Variants in PRP4K observed in about 807,000 individuals in gnomAD.
PRP4K encodes pre-mRNA processing factor kinase PRP4K.
At chr6:4,042,069 G>T in the PRP4K span, among the ~76,000 whole-genome samples, 1 of 152,178 alleles carries the variant, frequency 6.6e-6, no homozygotes, top group Non-Finnish European at 1.5e-5. Context: ...TTTTGATAGG[G>T]AAGTACGGGT....
chr6:4,036,594 A>G, the PRP4K span, among the ~76,000 whole-genome samples: 1 of 152,148 alleles, frequency 6.6e-6, no homozygotes, highest in Non-Finnish European at 1.5e-5. Flanking sequence ...CAGCCACTGC[A>G]GCCTCAACCT....
the PRP4K span, chr6:4,050,360 A>T: frequency 1.2e-6 from 1 of 804,960 alleles, no homozygotes; most frequent in Non-Finnish European, 1.9e-6. Flanking sequence ...TTTTAAAATT[A>T]TAGCCATATG....
the PRP4K span, chr6:4,056,496 T>A: frequency 6.2e-7 from 1 of 1,611,960 alleles, no homozygotes; most frequent in Non-Finnish European, 8.5e-7. Flanking sequence ...GCATACTTAA[T>A]GTCTAAGCAC....
At chr6:4,032,162 C>G in the PRP4K span, 1 of 1,613,576 alleles carries the variant, frequency 6.2e-7, no homozygotes, top group Non-Finnish European at 8.5e-7. Context: ...CAACTAGGAG[C>G]AAGTCAAAGG....
At chr6:4,043,664 C>T in the PRP4K span, 36 of 746,916 alleles carry the variant, frequency 4.8e-5, no homozygotes, top group Non-Finnish European at 7.1e-5. Context: ...TAAGGGATTG[C>T]AGATTTGATT....
chr6:4,025,582 G>T, the PRP4K span, among the ~76,000 whole-genome samples: 3 of 152,140 alleles, frequency 2.0e-5, no homozygotes, highest in African/African-American at 7.2e-5. Flanking sequence ...TATTTCTTGA[G>T]ATAATACTCA....
the PRP4K span, among the ~76,000 whole-genome samples, chr6:4,046,955 G>A: frequency 6.6e-6 from 1 of 152,186 alleles, no homozygotes; most frequent in African/African-American, 2.4e-5. Flanking sequence ...ACCATGCCCG[G>A]CCGGTCTTTC....
chr6:4,029,781 G>A, the PRP4K span, among the ~76,000 whole-genome samples: 1 of 152,086 alleles, frequency 6.6e-6, no homozygotes, highest in Non-Finnish European at 1.5e-5. Context: ...CTCGAAATTA[G>A]TTTAGGTGAT....
the PRP4K span, among the ~76,000 whole-genome samples, chr6:4,047,477 C>A: frequency 6.6e-6 from 1 of 152,132 alleles, no homozygotes; most frequent in Non-Finnish European, 1.5e-5. Context: ...AAAAGTCAAA[C>A]ACCAAATGAT....
chr6:4,045,150 C>T, the PRP4K span, among the ~76,000 whole-genome samples: 1 of 152,160 alleles, frequency 6.6e-6, no homozygotes, highest in South Asian at 2.1e-4. Context: ...TGAGCCACCA[C>T]GCCCAGCTGA....
chr6:4,035,284 A>ATTTTTTTTTT, the PRP4K span, among the ~76,000 whole-genome samples: 181 of 58,798 alleles, frequency 3.1e-3, 6 homozygotes, highest in African/African-American at 7.1e-3. Context: ...CGCCCGGCTA[A>ATTTTTTTTTT]TTTTTTTTTT....
chr6:4,040,802 G>A, the PRP4K span: 1 of 1,614,052 alleles, frequency 6.2e-7, no homozygotes. Context: ...GATCACGCTT[G>A]CGAAGGCGGT....
chr6:4,052,616 G>T, the PRP4K span: 2 of 895,878 alleles, frequency 2.2e-6, no homozygotes, highest in Non-Finnish European at 3.2e-6. Context: ...TTTTTATTTT[G>T]CGCTTGATTT....
chr6:4,023,820 T>A, the PRP4K span, among the ~76,000 whole-genome samples: 2 of 151,758 alleles, frequency 1.3e-5, no homozygotes. Flanking sequence ...ATCCTCCTAC[T>A]CCAGCCTCCG....
the PRP4K span, among the ~76,000 whole-genome samples, chr6:4,058,150 A>G: frequency 6.6e-6 from 1 of 152,202 alleles, no homozygotes; most frequent in Non-Finnish European, 1.5e-5. Context: ...AGCTGGGACT[A>G]CAGGCATGTG....
At chr6:4,040,184 GT>G in the PRP4K span, among the ~76,000 whole-genome samples, 76 of 144,566 alleles carry the variant, frequency 5.3e-4, no homozygotes, top group African/African-American at 6.3e-4. Context: ...CCAGCCCCCA[GT>G]TTTTTTTTTT....
the PRP4K span, chr6:4,049,380 G>C: frequency 2.2e-6 from 1 of 460,328 alleles, no homozygotes; most frequent in South Asian, 4.1e-5. Flanking sequence ...GAAGGAAGGG[G>C]TACGTCACTT....
At chr6:4,054,759 C>T in the PRP4K span, among the ~76,000 whole-genome samples, 4 of 152,192 alleles carry the variant, frequency 2.6e-5, no homozygotes, top group African/African-American at 4.8e-5. Flanking sequence ...CCGCCTCGTC[C>T]TCCCAAAGTG....
At chr6:4,029,339 A>G in the PRP4K span, among the ~76,000 whole-genome samples, 3 of 117,490 alleles carry the variant, frequency 2.6e-5, no homozygotes, top group Non-Finnish European at 3.5e-5. Flanking sequence ...GTGTTACTCA[A>G]TTTTTTTTTT....
Sources: gnomAD v4.1 joint callset for allele counts (sites outside exome capture counted in the v4.1 genomes callset) on GRCh38, gnomAD v4.1.1 for gene constraint, MANE v1.5 for transcripts, NCBI Gene and HGNC (gene_info 2026-07-23, HGNC 2026-07-21) for gene names.